The following SYN3 variants were observed in gnomAD, a reference collection of about 807,000 sequenced individuals.
The protein encoded by SYN3 is synapsin-3.
A neutral mutation model predicts 65.8 loss-of-function variants in SYN3; 35 were observed. The observed-to-expected ratio is 0.53, with a 90% CI of 0.41 to 0.70. The LOEUF is 0.70. Ranked by LOEUF, SYN3 falls within the 30% of genes least tolerant of loss-of-function variation. The pLI, the probability that SYN3 is intolerant of heterozygous loss-of-function variation, is 0.00. For synonymous variants in SYN3, 270 were observed against 292.9 expected (o/e 0.92, Z 0.80); for missense variants, 680 against 749.0 (o/e 0.91, Z 1.08).
At chr22:32,575,025 C>G (rs2058831886) in intron 7 of SYN3, among the ~76,000 whole-genome samples, 1 of 152,232 alleles carries the variant, frequency 6.6e-6, no homozygotes. Flanking sequence ...TAAAGGGATG[C>G]TGACCCTGGT....
At chr22:32,848,510 G>A (rs2048131678) in intron 6 of SYN3, among the ~76,000 whole-genome samples, 1 of 152,090 alleles carries the variant, frequency 6.6e-6, no homozygotes, top group Non-Finnish European at 1.5e-5. Flanking sequence ...AAATGTACAT[G>A]GCACATAGTA....
At chr22:32,739,186 GT>G (rs1467037493) in intron 6 of SYN3, among the ~76,000 whole-genome samples, 1 of 150,932 alleles carries the variant, frequency 6.6e-6, no homozygotes, top group Non-Finnish European at 1.5e-5. Flanking sequence ...GGGGGGGGCG[GT>G]TTCCCCCATA....
chr22:32,641,532 C>T (rs955314593), intron 6 of SYN3, among the ~76,000 whole-genome samples: 2 of 143,456 alleles, frequency 1.4e-5, no homozygotes, highest in Non-Finnish European at 3.0e-5. Context: ...GTTGTGAACC[C>T]GGGAGGCAGA....
At chr22:32,921,317 T>C (rs532179158) in intron 4 of SYN3, among the ~76,000 whole-genome samples, 1 of 152,332 alleles carries the variant, frequency 6.6e-6, no homozygotes, top group Admixed American at 6.5e-5. Flanking sequence ...TATTACCTTT[T>C]ACAGATTAAA....
At position 32,509,803 on chromosome 22, in the gene SYN3, A is replaced by C. The variant is rs1287477206; in HGVS notation, c.*3889T>G. 6.6e-6 allele frequency among the ~76,000 whole-genome samples: 1 copy of C among 152,026 alleles called. No homozygotes were observed. Among genetic ancestry groups the C allele is most frequent in the Non-Finnish European group, 1.5e-5 (1 of 68,014 alleles). ...CAGGATGGTCTCGATCTCCTGACCT[A>C]GTCATCCGCCCACCTCGGCCTCCCA... On this transcript the variant is annotated 3_prime_UTR_variant, in exon 14 of 14. Transcript: ENST00000358763.
intron 6 of SYN3, among the ~76,000 whole-genome samples, chr22:32,718,373 C>G (rs1309216470): frequency 1.3e-5 from 2 of 152,022 alleles, no homozygotes; most frequent in Non-Finnish European, 2.9e-5. Flanking sequence ...AATGCTCTGC[C>G]AAGGGAAAGA....
At chr22:32,581,078 T>TC (rs1376924316) in intron 7 of SYN3, among the ~76,000 whole-genome samples, 1 of 152,344 alleles carries the variant, frequency 6.6e-6, no homozygotes, top group African/African-American at 2.4e-5. Flanking sequence ...TTTAGGTTAA[T>TC]CCCTTTTCCA....
chr22:32,623,313 A>C (rs1241916984), intron 6 of SYN3, among the ~76,000 whole-genome samples: 6 of 152,002 alleles, frequency 3.9e-5, no homozygotes, highest in Admixed American at 2.0e-4. Flanking sequence ...TGGTCTCCGT[A>C]GTAGGCCAAG....
intron 6 of SYN3, among the ~76,000 whole-genome samples, chr22:32,635,550 A>G (rs903357906): frequency 6.6e-6 from 1 of 152,220 alleles, no homozygotes; most frequent in African/African-American, 2.4e-5. Flanking sequence ...AGGATATTAG[A>G]GCAAATATTT....
At chr22:32,530,235 G>T (rs562180139) in intron 10 of SYN3, 2 of 152,322 alleles carry the variant, frequency 1.3e-5, no homozygotes, top group Admixed American at 6.5e-5. Context: ...ATAAGGATAA[G>T]GATACTAAGA....
At chr22:33,037,180 G>T (rs953067299) in intron 1 of SYN3, among the ~76,000 whole-genome samples, 14 of 152,162 alleles carry the variant, frequency 9.2e-5, no homozygotes, top group Admixed American at 8.5e-4. Flanking sequence ...GAAAAAGTGG[G>T]TTTTTTCCTC....
chr22:32,526,705 C>T (rs1217960513), intron 12 of SYN3, among the ~76,000 whole-genome samples: 1 of 151,964 alleles, frequency 6.6e-6, no homozygotes, highest in Non-Finnish European at 1.5e-5. Flanking sequence ...ATTTTTAGTA[C>T]TGATGGGGTT....
rs553520030 is a variant in SYN3, at chr22:32,965,726, C to T, written c.369+14919G>A. Among the ~76,000 whole-genome samples, 21 of 152,200 alleles carry T rather than the reference C, an allele frequency of 1.4e-4. No individual in the cohort carries two copies. The South Asian group carries it at 1.7e-3, about 12-fold the overall frequency. On this transcript the variant is annotated intron_variant, in intron 3 of 13. Transcript: ENST00000358763. ...TTGTTGTTGTTTTATGATGGAGTCT[C>T]GCTCTTTCGCCCAGGCTGAAGTGAG...
intron 4 of SYN3, among the ~76,000 whole-genome samples, chr22:32,880,002 C>T (rs1332295349): frequency 1.3e-5 from 2 of 152,176 alleles, no homozygotes; most frequent in Admixed American, 6.5e-5. Context: ...GAGAGTTGGG[C>T]TATGTGACCC....
intron 6 of SYN3, among the ~76,000 whole-genome samples, chr22:32,796,233 C>T (rs1235458606): frequency 1.3e-5 from 2 of 152,152 alleles, no homozygotes; most frequent in Non-Finnish European, 2.9e-5. Context: ...CATACATGCA[C>T]ATGAAAACAA....
chr22:32,853,465 A>T (rs564586685), intron 6 of SYN3, among the ~76,000 whole-genome samples: 1 of 152,330 alleles, frequency 6.6e-6, no homozygotes, highest in South Asian at 2.1e-4. Context: ...AAGGCCAGAC[A>T]TTTCATAAGA....
At chr22:32,756,149 C>T (rs139741599) in intron 6 of SYN3, among the ~76,000 whole-genome samples, 4,126 of 151,746 alleles carry the variant, frequency 0.027, 197 homozygotes, top group African/African-American at 0.095. Context: ...CAGCAAACCA[C>T]CATGGCACGT....
intron 6 of SYN3, among the ~76,000 whole-genome samples, chr22:32,796,345 C>A (rs1253178959): frequency 6.6e-6 from 1 of 152,082 alleles, no homozygotes; most frequent in Admixed American, 6.6e-5. Flanking sequence ...CTTAAAAACA[C>A]TGAGAGTAGA....
intron 13 of SYN3, among the ~76,000 whole-genome samples, chr22:32,515,781 G>A (rs527483645): frequency 9.9e-5 from 15 of 151,812 alleles, no homozygotes; most frequent in Non-Finnish European, 2.1e-4. Flanking sequence ...AATAAAATTC[G>A]AAGAAACTCG....
Sources: allele counts gnomAD v4.1 joint callset (sites outside exome capture counted in the v4.1 genomes callset), GRCh38; gene constraint gnomAD v4.1.1; transcripts MANE v1.5; gene names NCBI Gene and HGNC (gene_info 2026-07-23, HGNC 2026-07-21).